Variants in SAMMSON observed in about 807,000 individuals in gnomAD.
SAMMSON encodes long intergenic non-protein coding RNA 1212.
At chr3:70,011,620 T>A (rs1361546334) in intron 1 of SAMMSON, among the ~76,000 whole-genome samples, 1 of 151,512 alleles carries the variant, frequency 6.6e-6, no homozygotes, top group Non-Finnish European at 1.5e-5. Context: ...TTTTTTTTTT[T>A]ACTATGGAAG....
chr3:70,312,846 A>C (rs1156325932), intron 7 of SAMMSON: 1 of 152,166 alleles, frequency 6.6e-6, no homozygotes, highest in Non-Finnish European at 1.5e-5. Flanking sequence ...TAGGAAAAAA[A>C]TAATGAACTT....
chr3:70,182,792 G>T (rs1431601822), intron 4 of SAMMSON, among the ~76,000 whole-genome samples: 1 of 152,108 alleles, frequency 6.6e-6, no homozygotes, highest in Non-Finnish European at 1.5e-5. Flanking sequence ...CTGCATGCAT[G>T]TTCATTATGA....
intron 4 of SAMMSON, among the ~76,000 whole-genome samples, chr3:70,129,613 T>C (rs1039724204): frequency 2.0e-5 from 3 of 152,198 alleles, no homozygotes; most frequent in Non-Finnish European, 4.4e-5. Flanking sequence ...TCCAGCAAGT[T>C]CATTTTATTC....
intron 7 of SAMMSON, among the ~76,000 whole-genome samples, chr3:70,352,674 T>C (rs1244499685): frequency 6.6e-6 from 1 of 152,148 alleles, no homozygotes. Flanking sequence ...ATCTCAACAC[T>C]GTCTGATGTG....
At chr3:70,142,257 A>G (rs2067530497) in intron 4 of SAMMSON, among the ~76,000 whole-genome samples, 1 of 152,336 alleles carries the variant, frequency 6.6e-6, no homozygotes, top group South Asian at 2.1e-4. Flanking sequence ...ACAATTCACA[A>G]TTGCGAAAAC....
intron 9 of SAMMSON, among the ~76,000 whole-genome samples, chr3:70,359,421 T>A (rs1023981207): frequency 6.6e-6 from 1 of 152,176 alleles, no homozygotes; most frequent in African/African-American, 2.4e-5. Flanking sequence ...AACAATTGAC[T>A]ATTACTGAAA....
At chr3:70,039,644 C>CACACACACA (rs2067099274) in intron 3 of SAMMSON, among the ~76,000 whole-genome samples, 1 of 139,288 alleles carries the variant, frequency 7.2e-6, no homozygotes, top group African/African-American at 2.7e-5. Context: ...CACACACACA[C>CACACACACA]TTTCTATTGG....
chr3:70,282,149 C>T (rs549218151), intron 6 of SAMMSON, among the ~76,000 whole-genome samples: 1 of 152,228 alleles, frequency 6.6e-6, no homozygotes, highest in Non-Finnish European at 1.5e-5. Context: ...AAATCTGTTA[C>T]TCAACAGATT....
At chr3:70,247,976 T>C (rs187481773) in intron 4 of SAMMSON, among the ~76,000 whole-genome samples, 1 of 152,220 alleles carries the variant, frequency 6.6e-6, no homozygotes, top group East Asian at 1.9e-4. Flanking sequence ...AATTTAATGC[T>C]ACAATGATCA....
At chr3:70,372,042 A>G (rs1409394036) in intron 9 of SAMMSON, among the ~76,000 whole-genome samples, 1 of 152,128 alleles carries the variant, frequency 6.6e-6, no homozygotes, top group African/African-American at 2.4e-5. Context: ...TTTTGTCATA[A>G]GACAGTGTTG....
intron 3 of SAMMSON, chr3:70,024,856 A>G (rs2067031016): frequency 6.6e-6 from 1 of 152,240 alleles, no homozygotes; most frequent in Admixed American, 6.5e-5. Flanking sequence ...CAAAAGATGC[A>G]GAGGAAAAGG....
intron 4 of SAMMSON, among the ~76,000 whole-genome samples, chr3:70,121,440 T>C (rs973192416): frequency 6.6e-6 from 1 of 151,942 alleles, no homozygotes; most frequent in Non-Finnish European, 1.5e-5. Flanking sequence ...CTGTATCGTG[T>C]GTATGTTTGT....
intron 4 of SAMMSON, among the ~76,000 whole-genome samples, chr3:70,091,367 A>C (rs999968049): frequency 4.6e-5 from 7 of 152,162 alleles, no homozygotes; most frequent in African/African-American, 1.7e-4. Context: ...CACTGAAACA[A>C]GCTTACAAGG....
chr3:70,347,460 TA>T (rs11363393), intron 7 of SAMMSON, among the ~76,000 whole-genome samples: 107,775 of 152,026 alleles, frequency 0.71, 38,675 homozygotes, highest in Middle Eastern at 0.78. Context: ...GAGTTTATAT[TA>T]ACAAACACAG....
intron 7 of SAMMSON, among the ~76,000 whole-genome samples, chr3:70,292,870 T>G (rs73102695): frequency 0.21 from 31,352 of 151,822 alleles, 3,423 homozygotes; most frequent in South Asian, 0.28. Context: ...TTGATAGAAA[T>G]ACTATATAAT....
At chr3:70,130,531 A>T (rs2067478771) in intron 4 of SAMMSON, among the ~76,000 whole-genome samples, 1 of 152,142 alleles carries the variant, frequency 6.6e-6, no homozygotes, top group Non-Finnish European at 1.5e-5. Flanking sequence ...TAACTTGGTA[A>T]CTGTCCTGAG....
At chr3:70,241,001 C>A (rs1701662622) in intron 4 of SAMMSON, among the ~76,000 whole-genome samples, 1 of 152,090 alleles carries the variant, frequency 6.6e-6, no homozygotes, top group African/African-American at 2.4e-5. Context: ...CAAGGATATT[C>A]ATTTTTTCGT....
intron 4 of SAMMSON, among the ~76,000 whole-genome samples, chr3:70,082,935 T>C (rs1189449139): frequency 6.6e-6 from 1 of 152,194 alleles, no homozygotes; most frequent in Non-Finnish European, 1.5e-5. Flanking sequence ...AAGATCACAT[T>C]GGCTGGTAAA....
chr3:70,353,036 GAAAC>G (rs1458257893), intron 7 of SAMMSON, among the ~76,000 whole-genome samples: 1 of 151,818 alleles, frequency 6.6e-6, no homozygotes, highest in African/African-American at 2.4e-5. Context: ...CATAAGTTAA[GAAAC>G]AAACAAAAGA....
Sources: gnomAD v4.1 joint callset for allele counts (sites outside exome capture counted in the v4.1 genomes callset) on GRCh38, gnomAD v4.1.1 for gene constraint, MANE v1.5 for transcripts, NCBI Gene and HGNC (gene_info 2026-07-23, HGNC 2026-07-21) for gene names.